Variants in SLC4A3 observed in about 807,000 individuals in gnomAD.
SLC4A3 encodes solute carrier family 4 member 3, also known as anion exchange protein 3.
SLC4A3 carries 47 observed loss-of-function variants against 114.2 expected under a neutral mutation model. That is an observed-to-expected ratio of 0.41 (90% CI 0.33 to 0.52). SLC4A3 has a LOEUF of 0.52. Ranked by LOEUF, SLC4A3 falls within the 20% of genes least tolerant of loss-of-function variation. The pLI is 0.21. For synonymous variants in SLC4A3, 693 were observed against 710.3 expected (o/e 0.98, Z 0.39); for missense variants, 1,312 against 1,668.3 (o/e 0.79, Z 3.72).
chr2:219,629,364 A>G lies in SLC4A3; in HGVS notation c.438A>G (p.Gly146=). ...EEEEEEEEEE[G]ESEAEPVEPP... ...AGGAGGAAGAGGAGGAAGAGGAAGG[A>G]GAATCTGAGGCAGAACCTGTGGAGC... Residue 146 remains glycine, a synonymous_variant, in exon 4 of 23, where the codon GGA becomes GGG. Transcript: ENST00000358055. 1 of 1,604,260 alleles carries G rather than the reference A, an allele frequency of 6.2e-7. No individual in the cohort carries two copies. Among genetic ancestry groups the G allele is most frequent in the Non-Finnish European group, 8.5e-7 (1 of 1,174,838 alleles).
Position 219,631,508 on chromosome 2 carries a change from C to A in SLC4A3, c.812-460C>A, listed in dbSNP as rs980958590. 2 of 1,284,294 alleles carry A rather than the reference C, an allele frequency of 1.6e-6. No individual in the cohort carries two copies. The highest frequency in any genetic ancestry group is 3.0e-5 in the African/African-American group (2 of 65,636). 79.6% of individuals were successfully genotyped at this position (1,284,294 alleles called of 1,614,324 possible). A position where few individuals can be genotyped will look rare whatever the true frequency, so the allele number is the denominator to read the frequency against. On this transcript the variant is annotated intron_variant, in intron 6 of 22. Coordinates refer to ENST00000358055, the MANE Select transcript of SLC4A3 (RefSeq NM_005070.4). This position sits in a 1 kb window ranked among gnomAD's most constrained non-coding sequence, Gnocchi z 6.3. ...CCGACTGCTGCTGGCCTGGGTGGGG[C>A]AGACAGGAGGAAGGGAGCGAAGCCC... is the stretch of plus-strand genomic sequence containing the variant.
At position 219,627,960 on chromosome 2, in the gene SLC4A3, T is replaced by A; in HGVS notation, c.-33T>A. ...CTCACCTGGGTCTCGGGTCCCCTAG[T>A]GAGCGAGAGCGTCCCCAGCCGCCTA... is the stretch of plus-strand genomic sequence containing the variant. On this transcript the variant is annotated 5_prime_UTR_variant, in exon 2 of 23. Transcript: ENST00000358055. 1 of 1,597,618 alleles carries A rather than the reference T, an allele frequency of 6.3e-7. No homozygotes were observed. Among genetic ancestry groups the A allele is most frequent in the Non-Finnish European group, 8.5e-7 (1 of 1,172,378 alleles).
Position 219,641,774 on chromosome 2 carries a change from GA to G in SLC4A3, c.*47del, listed in dbSNP as rs1699334843. ...CAGAGACCCCAAGACCTTAGGGATT[GA>G]CACCTGGGCCTCAGGCAGAGCCCAG... On this transcript the variant is annotated 3_prime_UTR_variant, in exon 23 of 23. Transcript: ENST00000358055. This position sits in a 1 kb window ranked among gnomAD's most constrained non-coding sequence, Gnocchi z 4.0. 1 of 1,512,062 alleles carries G rather than the reference GA, an allele frequency of 6.6e-7. No individual in the cohort carries two copies. The highest frequency in any genetic ancestry group is 9.2e-7 in the Non-Finnish European group (1 of 1,087,724). The allele number at this position is 1,512,062 out of a possible 1,614,324, so 93.7% of individuals were successfully genotyped here.
intron 1 of SLC4A3, 28 bp downstream of exon 1, chr2:219,627,773 G>A: frequency 2.7e-6 from 1 of 370,590 alleles, no homozygotes; most frequent in Non-Finnish European, 4.8e-6. Flanking sequence ...ACGCCGGGCA[G>A]GGCGGGGGAC....
intron 8 of SLC4A3, 114 bp from the exon 9 acceptor site, chr2:219,632,759 TG>T: frequency 1.5e-6 from 2 of 1,349,522 alleles, no homozygotes; most frequent in Admixed American, 3.9e-5. Flanking sequence ...CTGGGTACAT[TG>T]GGCGCTTTGC....
rs760554461 is a variant in SLC4A3 at position 219,628,391 on chromosome 2, G to A, written c.52-14G>A. The stretch of plus-strand genomic sequence containing the variant: ...GGGTCAGGGGTCCTTAGCAGAGGCC[G>A]TCTGGGCCTGCAGGTCCGGGTGCCC... On this transcript the variant is annotated splice_polypyrimidine_tract_variant and intron_variant, in intron 2 of 22. Coordinates refer to ENST00000358055, the MANE Select transcript of SLC4A3 (RefSeq NM_005070.4). The surrounding 1 kb of genome is among the most constrained non-coding windows in gnomAD (Gnocchi z 4.8). The A allele has an allele frequency of 2.5e-6, 4 of 1,602,820 alleles. No individual in the cohort carries two copies. Among genetic ancestry groups the A allele is most frequent in the Non-Finnish European group, 2.6e-6 (3 of 1,175,760 alleles).
In SLC4A3 at chr2:219,641,076, G is replaced by T; in HGVS notation, c.3621+114G>T. On this transcript the variant is annotated intron_variant, in intron 22 of 22. Transcript: ENST00000358055. This position sits in a 1 kb window ranked among gnomAD's most constrained non-coding sequence, Gnocchi z 4.0. ...TTGTGAAACTTGTGTAACTTGTGTT[G>T]CAAGTTATCTCACCTTCCGAAATCT... 1.0e-6 allele frequency: 1 copy of T among 997,290 alleles called. No homozygotes were observed. Among genetic ancestry groups the T allele is most frequent in the Non-Finnish European group, 1.5e-6 (1 of 675,856 alleles). The allele number at this position is 997,290 out of a possible 1,614,324, so 61.8% of individuals were successfully genotyped here. A position where few individuals can be genotyped will look rare whatever the true frequency, so the allele number is the denominator to read the frequency against.
At position 219,628,293 on chromosome 2, in the gene SLC4A3, G is replaced by T; in HGVS notation, c.52-112G>T. On this transcript the variant is annotated intron_variant, in intron 2 of 22. Coordinates refer to ENST00000358055, the MANE Select transcript of SLC4A3 (RefSeq NM_005070.4). This position sits in a 1 kb window ranked among gnomAD's most constrained non-coding sequence, Gnocchi z 4.8. ...CACAGGCCTGGGAGCAAGGGGAGGG[G>T]GCCCGATGGTGTGAGAGCCTGCTGA... 1.7e-6 allele frequency: 2 copies of T among 1,170,670 alleles called. No individual in the cohort carries two copies. The highest frequency in any genetic ancestry group is 5.1e-5 in the East Asian group (2 of 38,862). 72.5% of individuals were successfully genotyped at this position (1,170,670 alleles called of 1,614,324 possible). A position where few individuals can be genotyped will look rare whatever the true frequency, so the allele number is the denominator to read the frequency against.
rs935182688 is a variant in SLC4A3, at chr2:219,634,128, T to A, written c.1561+149T>A. The A allele has an allele frequency of 9.0e-6, 9 of 1,005,390 alleles. No individual in the cohort carries two copies. The African/African-American group carries it at 1.3e-4, about 15-fold the overall frequency. 62.3% of individuals were successfully genotyped at this position (1,005,390 alleles called of 1,614,324 possible). A position where few individuals can be genotyped will look rare whatever the true frequency, so the allele number is the denominator to read the frequency against. On this transcript the variant is annotated intron_variant, in intron 11 of 22. Transcript: ENST00000358055. ...CCCTGCTCTTCCTCACAACCTGTCT[T>A]AGCCCAGCCCTTTCTTTCGTAGTCC...
chr2:219,638,723 G>T lies in SLC4A3; in HGVS notation c.2877G>T (p.Gly959=). The change falls in exon 19 of 23, where the codon GGG becomes GGT. Residue 959 remains glycine, a synonymous_variant. Coordinates refer to ENST00000358055, the MANE Select transcript of SLC4A3 (RefSeq NM_005070.4). This position sits in a 1 kb window ranked among gnomAD's most constrained non-coding sequence, Gnocchi z 7.5. The stretch of plus-strand genomic sequence containing the variant: ...TGCAGAAGCTGACAGTGCCTACAGG[G>T]CTCTCAGTGACCTCTCCCGATAAGC... ...TYTQKLTVPT[G]LSVTSPDKRS... 1 of 1,614,080 alleles carries T rather than the reference G, an allele frequency of 6.2e-7. No individual in the cohort carries two copies. Among genetic ancestry groups the T allele is most frequent in the Non-Finnish European group, 8.5e-7 (1 of 1,180,018 alleles).
rs752848715 is a variant in SLC4A3 at position 219,627,953 on chromosome 2, C to A, written c.-40C>A. ...CCTCCTTCTCACCTGGGTCTCGGGT[C>A]CCCTAGTGAGCGAGAGCGTCCCCAG... On this transcript the variant is annotated 5_prime_UTR_variant, in exon 2 of 23. Transcript: ENST00000358055. 4 of 1,586,736 alleles carry A rather than the reference C, an allele frequency of 2.5e-6. No homozygotes were observed. Among genetic ancestry groups the A allele is most frequent in the South Asian group, 1.1e-5 (1 of 89,446 alleles).
Position 219,628,345 on chromosome 2 carries a change from G to A in SLC4A3, c.52-60G>A, listed in dbSNP as rs890876826. ...CTCCCCCAACTAGGGCTTGGAGTTG[G>A]GGTGGGTGTGGGGCCTTCATGGGTC... On this transcript the variant is annotated intron_variant, in intron 2 of 22. Coordinates refer to ENST00000358055, the MANE Select transcript of SLC4A3 (RefSeq NM_005070.4). The surrounding 1 kb of genome is among the most constrained non-coding windows in gnomAD (Gnocchi z 4.8). 7.7e-5 allele frequency: 115 copies of A among 1,493,414 alleles called. No homozygotes were observed. The highest frequency in any genetic ancestry group is 1.0e-4 in the Non-Finnish European group (115 of 1,115,532). The allele number at this position is 1,493,414 out of a possible 1,614,324, so 92.5% of individuals were successfully genotyped here.
chr2:219,628,617 C>A lies in SLC4A3; in HGVS notation c.217+47C>A. 1.3e-6 allele frequency: 2 copies of A among 1,586,460 alleles called. No homozygotes were observed. Among genetic ancestry groups the A allele is most frequent in the Non-Finnish European group, 1.7e-6 (2 of 1,161,556 alleles). On this transcript the variant is annotated intron_variant, in intron 3 of 22. Coordinates refer to ENST00000358055, the MANE Select transcript of SLC4A3 (RefSeq NM_005070.4). This position sits in a 1 kb window ranked among gnomAD's most constrained non-coding sequence, Gnocchi z 4.8. ...AGTGCGGCCGCCCTCGCCACCATCA[C>A]CTTCATCGCCACCATCACCGCGCTC...
In SLC4A3 at chr2:219,629,261, A is replaced by G. The variant is rs1335955897; in HGVS notation, c.335A>G (p.Lys112Arg). ...CGGCACACCAGGAGAAAGAGGAAGA[A>G]GGAGAAAACCTCTGCTCCTCCCTCC... ...SARHTRRKRKKEKTSAPPSEG... is the reference protein window; with the variant it reads ...SARHTRRKRKREKTSAPPSEG... The change falls in exon 4 of 23, where the codon AAG becomes AGG. Residue 112 changes from lysine (K) to arginine (R), a missense_variant. Lys to Arg is a conservative substitution (Grantham distance 26). Coordinates refer to ENST00000358055, the MANE Select transcript of SLC4A3 (RefSeq NM_005070.4). The G allele has an allele frequency of 3.1e-6, 5 of 1,613,860 alleles. No homozygotes were observed. In the African/African-American group the frequency reaches 6.7e-5, roughly 22 times the overall value.
Position 219,631,321 on chromosome 2 carries a change from G to T in SLC4A3, c.812-647G>T. 1 of 1,304,146 alleles carries T rather than the reference G, an allele frequency of 7.7e-7. No homozygotes were observed. Among genetic ancestry groups the T allele is most frequent in the Non-Finnish European group, 1.0e-6 (1 of 988,862 alleles). The allele number at this position is 1,304,146 out of a possible 1,614,324, so 80.8% of individuals were successfully genotyped here. ...GGGGATACCAATAGCTGGGGCTTTG[G>T]GAGGGATCCAGCCCCCAGTCCTCGA... On this transcript the variant is annotated intron_variant, in intron 6 of 22. Transcript: ENST00000358055. This position sits in a 1 kb window ranked among gnomAD's most constrained non-coding sequence, Gnocchi z 6.3.
chr2:219,640,237 G>A (rs866724797), intron 20 of SLC4A3, among the ~76,000 whole-genome samples, 193 bp from the exon 21 acceptor site: 1,102 of 51,886 alleles, frequency 0.021, 20 homozygotes, highest in African/African-American at 0.079. Flanking sequence ...CCCCCCCCCC[G>A]CCCCTCCTTC....
intron 21 of SLC4A3, 28 bp downstream of exon 21, chr2:219,640,627 C>T (rs775287872): frequency 6.2e-7 from 1 of 1,607,220 alleles, no homozygotes; most frequent in Non-Finnish European, 8.5e-7. Context: ...GGGGGTAGGG[C>T]AGTGGGGTGA....
At position 219,630,274 on chromosome 2, in the gene SLC4A3, G is replaced by C. The variant is rs1219725773; in HGVS notation, c.733G>C (p.Gly245Arg). The C allele has an allele frequency of 8.1e-6, 13 of 1,613,350 alleles. No homozygotes were observed. The African/African-American group carries it at 1.3e-4, about 17-fold the overall frequency. Residue 245 changes from glycine to arginine, a missense_variant, in exon 6 of 23, where the codon GGT (glycine) becomes CGT (arginine). By Grantham distance (125) the Gly-to-Arg change is moderately radical. This residue lies in a region of SLC4A3 where 771 missense variants were observed against 977.7 expected (regional missense o/e 0.79). Transcript: ENST00000358055. The surrounding 1 kb of genome is among the most constrained non-coding windows in gnomAD (Gnocchi z 6.9). ...CCCAGGCAGTGCCCTGGGCAACCCA[G>C]GTGGTCCAGAGCAGCAGGTGCCCAC... The part of the protein sequence containing the change: ...LCPGSALGNP[G>R]GPEQQVPTDE...
At position 219,635,801 on chromosome 2, in the gene SLC4A3, CGA is replaced by C; in HGVS notation, c.2104_2105del (p.Asp702CysfsTer73). 2 of 1,593,336 alleles carry C rather than the reference CGA, an allele frequency of 1.3e-6. No homozygotes were observed. Among genetic ancestry groups the C allele is most frequent in the Non-Finnish European group, 1.7e-6 (2 of 1,171,362 alleles). The part of the protein sequence containing the change: ...RRYPHYPSDL[R>X]DALHSQCVAA... The stretch of plus-strand genomic sequence containing the variant: ...GTACCCGCACTACCCCAGTGACCTG[CGA>C]GATGCGCTGCACTCCCAGTGTGTGG... On this transcript the variant is annotated frameshift_variant, in exon 14 of 23. Transcript: ENST00000358055. LOFTEE classifies it high-confidence loss of function.
Sources: gnomAD v4.1 joint callset for allele counts (sites outside exome capture counted in the v4.1 genomes callset) on GRCh38, gnomAD v4.1.1 for gene constraint, gnomAD v4.1.1 regional missense constraint, Gnocchi (gnomAD v3.1) non-coding constraint, MANE v1.5 for transcripts, NCBI Gene and HGNC (gene_info 2026-07-23, HGNC 2026-07-21) for gene names.